Variants in CMIP observed in about 807,000 individuals in gnomAD.
CMIP encodes c-Maf inducing protein.
In CMIP, 13 loss-of-function variants were observed where a neutral mutation model predicts 97.3. That is an observed-to-expected ratio of 0.13 (90% CI 0.09 to 0.21). The LOEUF is 0.21. CMIP is among the 10% of genes least tolerant of loss of function. CMIP has a pLI of 1.00. For synonymous variants in CMIP, 538 were observed against 436.3 expected (o/e 1.23, Z -2.91); for missense variants, 847 against 1,024.9 (o/e 0.83, Z 2.37).
chr16:81,463,417 A>G (rs1396456429), intron 1 of CMIP, among the ~76,000 whole-genome samples: 1 of 152,222 alleles, frequency 6.6e-6, no homozygotes, highest in Non-Finnish European at 1.5e-5. Flanking sequence ...TAAAGCCAAA[A>G]AAAGGAGTTG....
At chr16:81,593,767 A>G (rs1371105870) in intron 1 of CMIP, among the ~76,000 whole-genome samples, 1 of 151,280 alleles carries the variant, frequency 6.6e-6, no homozygotes, top group African/African-American at 2.4e-5. Flanking sequence ...TCACAGCTAC[A>G]CTCCCTCCCT....
intron 14 of CMIP, among the ~76,000 whole-genome samples, chr16:81,699,245 G>T (rs764845085): frequency 3.9e-5 from 6 of 151,900 alleles, no homozygotes; most frequent in Non-Finnish European, 8.8e-5. Context: ...AATAGAGCGA[G>T]ACTCCATCTC....
At chr16:81,552,416 C>G (rs2090677139) in intron 1 of CMIP, among the ~76,000 whole-genome samples, 1 of 152,120 alleles carries the variant, frequency 6.6e-6, no homozygotes, top group African/African-American at 2.4e-5. Context: ...CAAAACAGAT[C>G]CCCCTGGGCT....
intron 10 of CMIP, among the ~76,000 whole-genome samples, chr16:81,685,368 G>C (rs565798287): frequency 2.0e-5 from 3 of 152,166 alleles, no homozygotes; most frequent in African/African-American, 7.2e-5. Flanking sequence ...CCACGCTCAC[G>C]GTTCACAGAA....
At chr16:81,500,329 C>G (rs540668516) in intron 1 of CMIP, among the ~76,000 whole-genome samples, 1 of 64,190 alleles carries the variant, frequency 1.6e-5, no homozygotes, top group Admixed American at 1.7e-4. Flanking sequence ...CTGCCTCCCT[C>G]TGTCCCTCCC....
At position 81,614,866 on chromosome 16, in the gene CMIP, ATG is replaced by A. The variant is rs569077090; in HGVS notation, c.427-6001_427-6000del. ...TATGCACATGTATCTCTGTGTGTGC[ATG>A]TGTGTGTGGTATGTGCATGTGTGTG... On this transcript the variant is annotated intron_variant, in intron 2 of 20. Transcript: ENST00000537098. The surrounding 1 kb of genome is among the most constrained non-coding windows in gnomAD (Gnocchi z 5.3). 4.7e-5 allele frequency among the ~76,000 whole-genome samples: 7 copies of A among 148,330 alleles called. No individual in the cohort carries two copies. In the South Asian group the frequency reaches 6.5e-4, roughly 14 times the overall value.
intron 9 of CMIP, among the ~76,000 whole-genome samples, chr16:81,677,445 G>A (rs956881357): frequency 6.6e-6 from 1 of 152,130 alleles, no homozygotes; most frequent in Non-Finnish European, 1.5e-5. Flanking sequence ...CCGGCCCATG[G>A]GCACCAGCAG....
chr16:81,525,395 G>A (rs964658012), intron 1 of CMIP, among the ~76,000 whole-genome samples: 11 of 152,040 alleles, frequency 7.2e-5, no homozygotes, highest in African/African-American at 1.9e-4. Context: ...CGTGCATCTC[G>A]GCCTCCCAAA....
rs371130646 is a variant in CMIP, at chr16:81,693,466, C to T, written c.1509C>T (p.Phe503=). 1.9e-5 allele frequency: 31 copies of T among 1,612,488 alleles called. No homozygotes were observed. Among genetic ancestry groups the T allele is most frequent in the Middle Eastern group, 1.6e-4 (1 of 6,082 alleles). The part of the protein sequence containing the change: ...TKELKYVIQR[F]AEDPRQEVHS... ...AACTGAAGTACGTGATTCAGAGGTT[C>T]GCCGAAGACCCCAGGCAAGAGGTGA... Residue 503 remains phenylalanine (F), a synonymous_variant, in exon 13 of 21, where the codon TTC becomes TTT. Transcript: ENST00000537098.
intron 1 of CMIP, among the ~76,000 whole-genome samples, chr16:81,543,746 CAA>C (rs1400289462): frequency 2.0e-5 from 3 of 152,144 alleles, no homozygotes; most frequent in African/African-American, 7.2e-5. Context: ...TTTTCTGAAA[CAA>C]AGAGAAATTT....
At chr16:81,501,186 G>A (rs1253550760) in intron 1 of CMIP, among the ~76,000 whole-genome samples, 2 of 152,234 alleles carry the variant, frequency 1.3e-5, no homozygotes, top group Non-Finnish European at 2.9e-5. Context: ...CACTGGGCCT[G>A]ATGGGGTTGG....
intron 1 of CMIP, among the ~76,000 whole-genome samples, chr16:81,521,807 T>A (rs1382184106): frequency 3.3e-5 from 5 of 152,180 alleles, no homozygotes; most frequent in African/African-American, 1.2e-4. Flanking sequence ...TAAGATACTT[T>A]TCTACAATTG....
Position 81,703,954 on chromosome 16 carries a change from C to T in CMIP, c.1960C>T (p.Arg654Cys), listed in dbSNP as rs775536119. 3.8e-6 allele frequency: 6 copies of T among 1,595,882 alleles called. No individual in the cohort carries two copies. Among genetic ancestry groups the T allele is most frequent in the Admixed American group, 3.4e-5 (2 of 58,314 alleles). ...PSKSTDADLA[R>C]LLSSGSFGNL... ...CTGCCCGCAGGACGCTGACTTGGCT[C>T]GTTTGCTGAGCTCCGGCTCCTTCGG... Residue 654 changes from arginine (R) to cysteine (C), a missense_variant, in exon 18 of 21, where the codon CGT becomes TGT. By Grantham distance (180) the Arg-to-Cys change is radical (BLOSUM62 -3). Around this residue, in one of 4 missense-constraint regions of CMIP, gnomAD observed 266 missense variants for 384.2 expected, o/e 0.69. Coordinates refer to ENST00000537098, the MANE Select transcript of CMIP (RefSeq NM_198390.3).
intron 3 of CMIP, among the ~76,000 whole-genome samples, chr16:81,634,906 C>G (rs578126590): frequency 3.3e-5 from 5 of 152,274 alleles, no homozygotes; most frequent in African/African-American, 1.2e-4. Context: ...ACAGAGGCCC[C>G]TGTTGAGATG....
chr16:81,504,193 G>A (rs1026040244), intron 1 of CMIP, among the ~76,000 whole-genome samples: 1 of 152,110 alleles, frequency 6.6e-6, no homozygotes. Flanking sequence ...TGGCGTGGTC[G>A]TGGGCGCCAG....
At chr16:81,643,793 GTAAA>G (rs149906497) in intron 3 of CMIP, among the ~76,000 whole-genome samples, 1 of 151,858 alleles carries the variant, frequency 6.6e-6, no homozygotes, top group Admixed American at 6.6e-5. Flanking sequence ...CAATAAGTAA[GTAAA>G]TAAATAAATA....
At chr16:81,694,688 G>A (rs1906500988) in intron 13 of CMIP, among the ~76,000 whole-genome samples, 1 of 152,196 alleles carries the variant, frequency 6.6e-6, no homozygotes, top group South Asian at 2.1e-4. Context: ...AGCTCACGGG[G>A]CCTGGGTGGA....
intron 1 of CMIP, among the ~76,000 whole-genome samples, chr16:81,463,477 G>A (rs545797324): frequency 6.6e-6 from 1 of 152,202 alleles, no homozygotes; most frequent in African/African-American, 2.4e-5. Flanking sequence ...TGGCGGGACG[G>A]CGGTTGTGGT....
At chr16:81,573,633 A>C (rs2091135978) in intron 1 of CMIP, among the ~76,000 whole-genome samples, 1 of 151,896 alleles carries the variant, frequency 6.6e-6, no homozygotes, top group Non-Finnish European at 1.5e-5. Flanking sequence ...TCGGGGCCCT[A>C]GGGTTGGGGG....
Sources: gnomAD v4.1 joint callset for allele counts (sites outside exome capture counted in the v4.1 genomes callset) on GRCh38, gnomAD v4.1.1 for gene constraint, gnomAD v4.1.1 regional missense constraint, Gnocchi (gnomAD v3.1) non-coding constraint, MANE v1.5 for transcripts, NCBI Gene and HGNC (gene_info 2026-07-23, HGNC 2026-07-21) for gene names.